The following XCR1 variants were observed in gnomAD, a reference collection of about 807,000 sequenced individuals.
XCR1 encodes the protein X-C motif chemokine receptor 1, also known as chemokine XC receptor 1.
For synonymous variants in XCR1, 187 were observed against 188.5 expected (o/e 0.99, Z 0.06); for missense variants, 356 against 424.2 (o/e 0.84, Z 1.41).
At chr3:46,023,424 A>C in intron 1 of XCR1, 1 of 1,475,146 alleles carries the variant, frequency 6.8e-7, no homozygotes, top group South Asian at 1.1e-5. Flanking sequence ...ATCTTTCTGA[A>C]GCCATGAAGC....
At chr3:46,050,070 CT>C (rs752702634) in intron 5 of XCR1, among the ~76,000 whole-genome samples, 1 of 152,234 alleles carries the variant, frequency 6.6e-6, no homozygotes, top group Non-Finnish European at 1.5e-5. Flanking sequence ...CATTCTATTA[CT>C]GTTACAGACT....
chr3:46,057,134 G>A (rs904036631), intron 4 of XCR1, among the ~76,000 whole-genome samples: 5 of 152,116 alleles, frequency 3.3e-5, no homozygotes, highest in East Asian at 1.9e-4. Flanking sequence ...ATTGTTTTCC[G>A]TTTTTAGTTT....
At chr3:46,064,790 C>A (rs1308135277) in intron 4 of XCR1, among the ~76,000 whole-genome samples, 1 of 152,202 alleles carries the variant, frequency 6.6e-6, no homozygotes, top group African/African-American at 2.4e-5. Flanking sequence ...CCCACTGATG[C>A]CACTTGGAAG....
chr3:46,060,412 GTCT>G (rs1471014116), intron 4 of XCR1, among the ~76,000 whole-genome samples: 4 of 152,148 alleles, frequency 2.6e-5, no homozygotes, highest in Admixed American at 2.6e-4. Context: ...AATATACTTT[GTCT>G]TCTTCTATTG....
chr3:46,065,013 C>T (rs1463403719), intron 4 of XCR1, among the ~76,000 whole-genome samples: 2 of 152,060 alleles, frequency 1.3e-5, no homozygotes, highest in Non-Finnish European at 2.9e-5. Context: ...ATTGCTTGAA[C>T]CAGCAAGGTG....
upstream of XCR1, among the ~76,000 whole-genome samples, chr3:46,029,323 C>T (rs187950706): frequency 1.3e-3 from 205 of 152,318 alleles, 1 homozygote; most frequent in Middle Eastern, 0.01. Context: ...CCTACTTCAG[C>T]CTCCTGAGTA....
At chr3:46,055,901 C>T (rs1329888731) in intron 4 of XCR1, among the ~76,000 whole-genome samples, 1 of 152,178 alleles carries the variant, frequency 6.6e-6, no homozygotes. Flanking sequence ...TGCAGATAAG[C>T]CAGCAGAGGT....
At chr3:46,079,164 TA>T (rs939332127) in intron 1 of XCR1, among the ~76,000 whole-genome samples, 5 of 152,184 alleles carry the variant, frequency 3.3e-5, no homozygotes, top group African/African-American at 1.2e-4. Flanking sequence ...AGCGCTCTTT[TA>T]AGGGACAACC....
rs144223772 is a variant in XCR1 at position 46,079,211 on chromosome 3, C to T, written c.-514-2285G>A. Among the ~76,000 whole-genome samples the T allele has an allele frequency of 1.4e-3, 209 of 152,290 alleles. 1 individual carries two copies. The highest frequency in any genetic ancestry group is 0.01 in the Middle Eastern group (3 of 294). ...ACACCATCTGGTTTTATGTACAACA[C>T]TTATGAGACATCCTCTTGTAAATAT... On this transcript the variant is annotated intron_variant, in intron 1 of 5. Transcript: ENST00000683768.
At chr3:46,038,920 T>C (rs1697484548) in intron 5 of XCR1, among the ~76,000 whole-genome samples, 1 of 152,160 alleles carries the variant, frequency 6.6e-6, no homozygotes, top group African/African-American at 2.4e-5. Context: ...GTAAATTATA[T>C]TGATTGGAAT....
chr3:46,071,988 A>G (rs1698172402), intron 3 of XCR1, among the ~76,000 whole-genome samples: 2 of 152,184 alleles, frequency 1.3e-5, no homozygotes, highest in Non-Finnish European at 2.9e-5. Flanking sequence ...AACAAATTTT[A>G]AAAATCCACA....
chr3:46,041,728 C>G lies in XCR1; in HGVS notation c.-32+12192G>C, dbSNP rs184028918. ...CATTTGTTTTAGCTGAGTTCCTTCCCCAGGAAAGGATCCCCTGGTCTCCCA... is the reference window on the plus strand; with the variant it reads ...CATTTGTTTTAGCTGAGTTCCTTCCGCAGGAAAGGATCCCCTGGTCTCCCA... On this transcript the variant is annotated intron_variant, in intron 5 of 5. Transcript: ENST00000683768. 9.5e-4 allele frequency among the ~76,000 whole-genome samples: 145 copies of G among 152,274 alleles called. 1 individual carries two copies. The East Asian group carries it at 0.013, about 13-fold the overall frequency.
chr3:46,052,867 C>T (rs769209927), intron 5 of XCR1, among the ~76,000 whole-genome samples: 16 of 152,124 alleles, frequency 1.1e-4, no homozygotes, highest in African/African-American at 2.4e-4. Flanking sequence ...GCGACCCTTG[C>T]GTGATATGTA....
intron 5 of XCR1, among the ~76,000 whole-genome samples, chr3:46,052,049 A>AAAAC (rs71619624): frequency 9.2e-5 from 14 of 152,170 alleles, no homozygotes; most frequent in South Asian, 4.2e-4. Context: ...CAAAAAAAAA[A>AAAAC]CTTGAATTTC....
chr3:46,063,603 A>T (rs1330868637), intron 4 of XCR1, among the ~76,000 whole-genome samples: 2 of 152,130 alleles, frequency 1.3e-5, no homozygotes, highest in Non-Finnish European at 2.9e-5. Context: ...GTGGATCTAC[A>T]TGAACACCCA....
At chr3:46,043,717 T>TACACACACACACACACAC in intron 5 of XCR1, among the ~76,000 whole-genome samples, 2 of 141,482 alleles carry the variant, frequency 1.4e-5, no homozygotes, top group Non-Finnish European at 3.1e-5. Context: ...ACCTCATCTC[T>TACACACACACACACACAC]ACACACACAC....
chr3:46,073,649 T>G (rs760088854), intron 3 of XCR1, among the ~76,000 whole-genome samples: 1 of 152,116 alleles, frequency 6.6e-6, no homozygotes, highest in East Asian at 1.9e-4. Flanking sequence ...GCCTGCAGAA[T>G]GGGAGAAAAT....
At chr3:46,044,556 A>C (rs987608412) in intron 5 of XCR1, among the ~76,000 whole-genome samples, 1 of 152,204 alleles carries the variant, frequency 6.6e-6, no homozygotes, top group African/African-American at 2.4e-5. Context: ...AGAGAAAATA[A>C]ATGAAACTAA....
chr3:46,023,609 C>G, intron 1 of XCR1: 1 of 1,375,974 alleles, frequency 7.3e-7, no homozygotes, highest in African/African-American at 1.4e-5. Context: ...CACAAACTCT[C>G]TGCCGAGGAT....
Sources: allele counts gnomAD v4.1 joint callset (sites outside exome capture counted in the v4.1 genomes callset), GRCh38; gene constraint gnomAD v4.1.1; transcripts MANE v1.5; gene names NCBI Gene and HGNC (gene_info 2026-07-23, HGNC 2026-07-21).